The following SPAG16 variants were observed in gnomAD, a reference collection of about 807,000 sequenced individuals.
SPAG16 encodes sperm associated antigen 16.
A neutral mutation model predicts 80.4 loss-of-function variants in SPAG16; 86 were observed. The ratio of observed to expected loss-of-function variants is 1.07; its 90% CI spans 0.90 to 1.28. The LOEUF (loss-of-function observed/expected upper bound fraction) is 1.28. SPAG16 is among the 50% of genes most tolerant of loss of function. SPAG16 has a pLI of 0.00. For missense variants in SPAG16, 870 were observed against 765.3 expected (o/e 1.14, Z -1.61); for synonymous variants, 294 against 265.9 (o/e 1.11, Z -1.03).
chr2:213,493,124 T>C (rs1352100104), intron 10 of SPAG16, among the ~76,000 whole-genome samples: 3 of 152,226 alleles, frequency 2.0e-5, no homozygotes, highest in Non-Finnish European at 4.4e-5. Context: ...TCTGCTTTTA[T>C]AGTTGGGCAT....
intron 9 of SPAG16, among the ~76,000 whole-genome samples, chr2:213,470,103 C>A (rs575961834): frequency 1.3e-5 from 2 of 152,102 alleles, no homozygotes; most frequent in Non-Finnish European, 2.9e-5. Context: ...AGAAACAGTA[C>A]CATATATTGG....
chr2:214,124,868 C>T (rs950456319), intron 14 of SPAG16, among the ~76,000 whole-genome samples: 1 of 151,746 alleles, frequency 6.6e-6, no homozygotes, highest in African/African-American at 2.4e-5. Flanking sequence ...CACCTTTCAC[C>T]TTGCCCTTGG....
intron 10 of SPAG16, among the ~76,000 whole-genome samples, chr2:213,771,627 A>G (rs551242760): frequency 1.3e-5 from 2 of 151,926 alleles, no homozygotes; most frequent in Non-Finnish European, 2.9e-5. Context: ...ATTAATTTTT[A>G]TGTGTGGTGT....
chr2:213,972,565 C>A (rs183932553), intron 12 of SPAG16, among the ~76,000 whole-genome samples: 1 of 152,238 alleles, frequency 6.6e-6, no homozygotes, highest in East Asian at 1.9e-4. Flanking sequence ...TGCCCACCTG[C>A]AATGGTGAGG....
intron 10 of SPAG16, among the ~76,000 whole-genome samples, chr2:213,808,283 T>C (rs2071895451): frequency 6.6e-6 from 1 of 152,162 alleles, no homozygotes; most frequent in South Asian, 2.1e-4. Flanking sequence ...AAGAACATTT[T>C]AGGCAGCATA....
chr2:213,937,726 T>C (rs975567718), intron 12 of SPAG16, among the ~76,000 whole-genome samples: 1 of 152,014 alleles, frequency 6.6e-6, no homozygotes, highest in Non-Finnish European at 1.5e-5. Flanking sequence ...AAAATTGTAT[T>C]AAAGCCAAAG....
At chr2:214,036,805 G>GA (rs1375739700) in intron 13 of SPAG16, among the ~76,000 whole-genome samples, 1 of 152,060 alleles carries the variant, frequency 6.6e-6, no homozygotes, top group Non-Finnish European at 1.5e-5. Context: ...TCTTTAGCTG[G>GA]AAAACATATA....
intron 6 of SPAG16, among the ~76,000 whole-genome samples, chr2:213,342,327 G>GTGTATATATATGTTACATATATA (rs2064734857): frequency 1.0e-5 from 1 of 99,920 alleles, no homozygotes; most frequent in Non-Finnish European, 2.2e-5. Context: ...TTACATATAT[G>GTGTATATATATGTTACATATATA]TGTATATATA....
At chr2:213,987,527 TACTC>T (rs2046072433) in intron 12 of SPAG16, among the ~76,000 whole-genome samples, 1 of 152,088 alleles carries the variant, frequency 6.6e-6, no homozygotes. Context: ...GCTCCCTAAA[TACTC>T]ATTCATAAAC....
chr2:213,329,069 T>C (rs892434514), intron 5 of SPAG16, among the ~76,000 whole-genome samples: 2 of 152,124 alleles, frequency 1.3e-5, no homozygotes, highest in African/African-American at 4.8e-5. Context: ...TAGTGAGGCC[T>C]CCCCAGCCAA....
chr2:213,817,890 T>C (rs1219578541), intron 10 of SPAG16, among the ~76,000 whole-genome samples: 1 of 152,192 alleles, frequency 6.6e-6, no homozygotes, highest in Non-Finnish European at 1.5e-5. Context: ...CTGGGTGGTG[T>C]GATCAGTTGT....
intron 12 of SPAG16, among the ~76,000 whole-genome samples, chr2:213,982,551 T>A (rs769688419): frequency 2.6e-4 from 40 of 151,964 alleles, no homozygotes; most frequent in Non-Finnish European, 5.3e-4. Context: ...GGAAATAAAA[T>A]ATATCTTCTA....
At chr2:213,441,866 G>A (rs904500199) in intron 9 of SPAG16, among the ~76,000 whole-genome samples, 1 of 152,110 alleles carries the variant, frequency 6.6e-6, no homozygotes, top group Non-Finnish European at 1.5e-5. Context: ...TTAAAAACAC[G>A]GCCGGGGTGG....
chr2:213,861,491 A>T (rs1352050424), intron 10 of SPAG16, among the ~76,000 whole-genome samples: 1 of 152,188 alleles, frequency 6.6e-6, no homozygotes, highest in Admixed American at 6.5e-5. Flanking sequence ...TTTTTAAATC[A>T]TCATATGTCT....
At chr2:213,832,243 C>T (rs2073710394) in intron 10 of SPAG16, among the ~76,000 whole-genome samples, 2 of 151,868 alleles carry the variant, frequency 1.3e-5, no homozygotes, top group South Asian at 4.2e-4. Flanking sequence ...TGATCCACCT[C>T]CCCTGTCCTC....
chr2:213,446,404 C>A (rs1425274333), intron 9 of SPAG16, among the ~76,000 whole-genome samples: 1 of 152,148 alleles, frequency 6.6e-6, no homozygotes. Context: ...CCAAACTGAA[C>A]TTCAGGAAAT....
intron 15 of SPAG16, among the ~76,000 whole-genome samples, chr2:214,386,147 G>C (rs1370887847): frequency 6.6e-6 from 1 of 152,206 alleles, no homozygotes. Flanking sequence ...GGCTGAGGCA[G>C]GCTGATCACT....
intron 10 of SPAG16, among the ~76,000 whole-genome samples, chr2:213,778,148 A>G (rs1280672441): frequency 6.6e-6 from 1 of 152,072 alleles, no homozygotes; most frequent in Non-Finnish European, 1.5e-5. Context: ...ATATCCTGAT[A>G]CTAGATGAGA....
rs745477390 is a variant in SPAG16, at chr2:213,371,659, A to G, written c.833-3351A>G. On this transcript the variant is annotated intron_variant, in intron 8 of 15. Coordinates refer to ENST00000331683, the MANE Select transcript of SPAG16 (RefSeq NM_024532.5). ...ACATTATTTACTTTGAAGTTAGAAAACAACAAATTGATTGTCATTTACTCT... is the reference window on the plus strand; with the variant it reads ...ACATTATTTACTTTGAAGTTAGAAAGCAACAAATTGATTGTCATTTACTCT... Among the ~76,000 whole-genome samples the G allele has an allele frequency of 1.7e-3, 259 of 152,144 alleles. 5 individuals are homozygous for G. Among genetic ancestry groups the G allele is most frequent in the Middle Eastern group, 0.01 (3 of 294 alleles).
Sources: allele counts gnomAD v4.1 joint callset (sites outside exome capture counted in the v4.1 genomes callset), GRCh38; gene constraint gnomAD v4.1.1; transcripts MANE v1.5; gene names NCBI Gene and HGNC (gene_info 2026-07-23, HGNC 2026-07-21).